The following NRG1 variants were observed in gnomAD, a reference collection of about 807,000 sequenced individuals.
NRG1 encodes neuregulin 1.
A neutral mutation model predicts 63.8 loss-of-function variants in NRG1; 18 were observed. The ratio of observed to expected loss-of-function variants is 0.28; its 90% confidence interval spans 0.19 to 0.42. The LOEUF is 0.42. Ranked by LOEUF, NRG1 falls within the 10% of genes least tolerant of loss-of-function variation. The probability of loss-of-function intolerance (pLI) is 1.00; values close to 1 mark genes in which losing one functional copy is unlikely to be tolerated. For missense variants in NRG1, 762 were observed against 814.7 expected (o/e 0.94, Z 0.79); for synonymous variants, 302 against 301.3 (o/e 1.00, Z -0.02).
chr8:31,989,679 A>C (rs1398759222), intron 1 of NRG1, among the ~76,000 whole-genome samples: 1 of 152,142 alleles, frequency 6.6e-6, no homozygotes, highest in Non-Finnish European at 1.5e-5. Flanking sequence ...CAGTAATCCA[A>C]TATAAGCATG....
intron 2 of NRG1, among the ~76,000 whole-genome samples, chr8:32,603,585 C>G (rs1337689230): frequency 6.6e-6 from 1 of 152,130 alleles, no homozygotes; most frequent in Non-Finnish European, 1.5e-5. Context: ...TCAAATGATT[C>G]TCCCGCCTTA....
intron 1 of NRG1, among the ~76,000 whole-genome samples, chr8:32,281,999 A>C (rs1285209199): frequency 6.6e-6 from 1 of 152,154 alleles, no homozygotes. Flanking sequence ...TTAAGCTTCA[A>C]GTCAAGAAAA....
At chr8:32,622,728 T>C (rs1168459779) in intron 5 of NRG1, among the ~76,000 whole-genome samples, 1 of 152,196 alleles carries the variant, frequency 6.6e-6, no homozygotes, top group Non-Finnish European at 1.5e-5. Flanking sequence ...AAGAATGCTA[T>C]TTATTTTAAA....
At chr8:31,878,966 C>T (rs1457250529) in intron 1 of NRG1, among the ~76,000 whole-genome samples, 1 of 151,986 alleles carries the variant, frequency 6.6e-6, no homozygotes, top group Non-Finnish European at 1.5e-5. Context: ...CGCTACTGCA[C>T]TCCAGCCTGG....
chr8:31,646,905 C>T (rs1051176299), intron 1 of NRG1, among the ~76,000 whole-genome samples: 1 of 152,296 alleles, frequency 6.6e-6, no homozygotes, highest in East Asian at 1.9e-4. Flanking sequence ...ACCTTTGGGG[C>T]TTCAGAGAAA....
chr8:32,699,917 A>G (rs1814402703), intron 5 of NRG1, among the ~76,000 whole-genome samples: 1 of 152,236 alleles, frequency 6.6e-6, no homozygotes, highest in African/African-American at 2.4e-5. Context: ...TGTTATTGAC[A>G]ACTTTATTAA....
At chr8:32,694,902 A>G (rs1812855722) in intron 5 of NRG1, among the ~76,000 whole-genome samples, 1 of 152,062 alleles carries the variant, frequency 6.6e-6, no homozygotes, top group Non-Finnish European at 1.5e-5. Context: ...GGCTTTCAGG[A>G]CCCTCCTTGT....
intron 1 of NRG1, among the ~76,000 whole-genome samples, chr8:31,857,717 C>T (rs532412114): frequency 6.6e-6 from 1 of 152,326 alleles, no homozygotes; most frequent in East Asian, 1.9e-4. Flanking sequence ...TAATGACTTA[C>T]TACTTGCTGT....
chr8:32,642,529 G>T (rs1212989127), intron 5 of NRG1, among the ~76,000 whole-genome samples: 1 of 152,200 alleles, frequency 6.6e-6, no homozygotes, highest in Non-Finnish European at 1.5e-5. Context: ...AGATCCATTG[G>T]TGTACTTTAT....
chr8:32,282,443 G>C (rs929730115), intron 1 of NRG1, among the ~76,000 whole-genome samples: 2 of 152,204 alleles, frequency 1.3e-5, no homozygotes, highest in African/African-American at 4.8e-5. Context: ...TCCATGAGTG[G>C]TTCAGCATGC....
intron 1 of NRG1, among the ~76,000 whole-genome samples, chr8:32,059,510 T>A (rs1823509193): frequency 1.3e-5 from 2 of 151,992 alleles, no homozygotes; most frequent in African/African-American, 4.8e-5. Flanking sequence ...ACACAGGAGG[T>A]AAATGTTCTG....
intron 1 of NRG1, among the ~76,000 whole-genome samples, chr8:31,719,249 A>G (rs1440455623): frequency 2.0e-5 from 3 of 152,146 alleles, no homozygotes; most frequent in African/African-American, 4.8e-5. Context: ...CATTTGGTTG[A>G]TATGTTAGAT....
At chr8:32,474,953 C>A (rs1182993621) in intron 1 of NRG1, among the ~76,000 whole-genome samples, 1 of 152,118 alleles carries the variant, frequency 6.6e-6, no homozygotes, top group Non-Finnish European at 1.5e-5. Context: ...CATAGGATTG[C>A]TCTCTAGGAG....
At chr8:31,791,806 C>T (rs1345310799) in intron 1 of NRG1, among the ~76,000 whole-genome samples, 9 of 152,150 alleles carry the variant, frequency 5.9e-5, no homozygotes, top group Non-Finnish European at 1.2e-4. Context: ...GCTACAGAAT[C>T]GTGGAATACA....
At chr8:32,312,826 C>T (rs1274158760) in intron 1 of NRG1, among the ~76,000 whole-genome samples, 1 of 151,860 alleles carries the variant, frequency 6.6e-6, no homozygotes, top group East Asian at 1.9e-4. Flanking sequence ...TCCTGTTTGC[C>T]TTCCTTCCTT....
intron 1 of NRG1, among the ~76,000 whole-genome samples, chr8:32,073,805 C>T (rs1307033040): frequency 1.3e-5 from 2 of 152,104 alleles, no homozygotes; most frequent in Non-Finnish European, 2.9e-5. Context: ...TTTAATTTTT[C>T]ATTTGGAGTT....
intron 1 of NRG1, among the ~76,000 whole-genome samples, chr8:32,462,041 C>T (rs1822388459): frequency 6.6e-6 from 1 of 152,118 alleles, no homozygotes; most frequent in African/African-American, 2.4e-5. Context: ...TTTCTTTCTT[C>T]TGGTGTAAAG....
At chr8:32,014,472 T>C (rs1280114918) in intron 1 of NRG1, among the ~76,000 whole-genome samples, 1 of 152,044 alleles carries the variant, frequency 6.6e-6, no homozygotes, top group African/African-American at 2.4e-5. Flanking sequence ...AAATTCATCC[T>C]GCTAAAAATG....
chr8:32,233,552 TATATATATATA>T (rs1329401733), intron 1 of NRG1, among the ~76,000 whole-genome samples: 102 of 73,822 alleles, frequency 1.4e-3, no homozygotes, highest in African/African-American at 5.3e-3. Flanking sequence ...TATATATATA[TATATATATATA>T]TTTTTTTTTT....
Sources: gnomAD v4.1 joint callset for allele counts (sites outside exome capture counted in the v4.1 genomes callset) on GRCh38, gnomAD v4.1.1 for gene constraint, MANE v1.5 for transcripts, NCBI Gene and HGNC (gene_info 2026-07-23, HGNC 2026-07-21) for gene names.